The following WWOX variants were observed in gnomAD, a reference collection of about 807,000 sequenced individuals.
WWOX encodes the protein WW domain containing oxidoreductase.
In WWOX, 69 loss-of-function variants were observed where a neutral mutation model predicts 46.2. The ratio of observed to expected loss-of-function variants is 1.49; its 90% CI spans 1.23 to 1.82. The LOEUF is 1.82. Ranked by LOEUF, WWOX falls within the 40% of genes most tolerant of loss-of-function variation. The pLI, the probability that WWOX is intolerant of heterozygous loss-of-function variation, is 0.00. For missense variants in WWOX, 919 were observed against 542.6 expected (o/e 1.69, Z -6.89); for synonymous variants, 359 against 202.6 (o/e 1.77, Z -6.56).
At chr16:78,827,751 G>T (rs530303881) in intron 8 of WWOX, among the ~76,000 whole-genome samples, 9 of 152,180 alleles carry the variant, frequency 5.9e-5, no homozygotes, top group Non-Finnish European at 1.3e-4. Flanking sequence ...TAAGGCAGGA[G>T]AATCACTTGA....
chr16:78,852,952 C>G (rs1218444812), intron 8 of WWOX, among the ~76,000 whole-genome samples: 1 of 152,176 alleles, frequency 6.6e-6, no homozygotes, highest in Non-Finnish European at 1.5e-5. Flanking sequence ...TACTGGAGAT[C>G]AGTCAGATGA....
In WWOX at chr16:78,685,099, A is replaced by G. The variant is rs572009676; in HGVS notation, c.1056+252347A>G. Among the ~76,000 whole-genome samples, 206 of 152,202 alleles carry G rather than the reference A, an allele frequency of 1.4e-3. 1 individual carries two copies. The highest frequency in any genetic ancestry group is 4.7e-3 in the African/African-American group (194 of 41,518). ...CCTCTGAGATCTTGCTTTTCAGTCT[A>G]CTGGTATCTCCACTTCTCTCTGCAG... On this transcript the variant is annotated intron_variant, in intron 8 of 8. Coordinates refer to ENST00000566780, the MANE Select transcript of WWOX (RefSeq NM_016373.4).
intron 8 of WWOX, among the ~76,000 whole-genome samples, chr16:78,936,399 C>T (rs1030996851): frequency 6.6e-6 from 1 of 152,092 alleles, no homozygotes; most frequent in African/African-American, 2.4e-5. Flanking sequence ...TGCATGATCT[C>T]CCCAGGATGG....
At chr16:79,163,882 T>A (rs1430406042) in intron 8 of WWOX, among the ~76,000 whole-genome samples, 1 of 54,216 alleles carries the variant, frequency 1.8e-5, no homozygotes, top group Non-Finnish European at 3.2e-5. Flanking sequence ...GGAAGAGAAT[T>A]GGAAAAAAAA....
At chr16:79,007,772 C>G (rs2047219053) in intron 8 of WWOX, among the ~76,000 whole-genome samples, 1 of 152,152 alleles carries the variant, frequency 6.6e-6, no homozygotes, top group East Asian at 1.9e-4. Context: ...TTCTCGGATA[C>G]CAAAGCTATT....
At chr16:78,226,134 G>T (rs2037046672) in intron 5 of WWOX, among the ~76,000 whole-genome samples, 1 of 152,136 alleles carries the variant, frequency 6.6e-6, no homozygotes, top group South Asian at 2.1e-4. Flanking sequence ...AGAAATGAGT[G>T]GAATGAACCG....
At chr16:78,146,377 A>G (rs2034198325) in intron 4 of WWOX, among the ~76,000 whole-genome samples, 3 of 152,252 alleles carry the variant, frequency 2.0e-5, no homozygotes, top group Middle Eastern at 6.8e-3. Flanking sequence ...TGGGGATCCT[A>G]CCAAGACCCT....
intron 8 of WWOX, among the ~76,000 whole-genome samples, chr16:78,909,653 C>G (rs1597137535): frequency 6.6e-6 from 1 of 152,164 alleles, no homozygotes; most frequent in Non-Finnish European, 1.5e-5. Flanking sequence ...CTTTCATTCC[C>G]TGACCTCTGT....
At chr16:78,972,702 C>T (rs993982804) in intron 8 of WWOX, among the ~76,000 whole-genome samples, 4 of 152,212 alleles carry the variant, frequency 2.6e-5, no homozygotes, top group African/African-American at 9.6e-5. Flanking sequence ...CTGCCTTCTC[C>T]TCCCTGACCT....
chr16:78,976,278 C>T (rs929365351), intron 8 of WWOX, among the ~76,000 whole-genome samples: 4 of 152,214 alleles, frequency 2.6e-5, no homozygotes, highest in African/African-American at 9.6e-5. Context: ...TGAAACACTC[C>T]TACTTCTTTC....
chr16:78,394,676 C>G (rs1418466251), intron 6 of WWOX, among the ~76,000 whole-genome samples: 3 of 152,216 alleles, frequency 2.0e-5, no homozygotes, highest in South Asian at 2.1e-4. Flanking sequence ...ATTAAGATCT[C>G]TGTTGCAACT....
At chr16:78,724,111 C>T (rs1285715702) in intron 8 of WWOX, among the ~76,000 whole-genome samples, 2 of 152,114 alleles carry the variant, frequency 1.3e-5, no homozygotes, top group African/African-American at 2.4e-5. Flanking sequence ...ATGTGCAGGA[C>T]GAGGAGGAAA....
At chr16:78,890,405 C>G (rs1249734249) in intron 8 of WWOX, 1 of 152,184 alleles carries the variant, frequency 6.6e-6, no homozygotes, top group African/African-American at 2.4e-5. Flanking sequence ...TCCTCATGTT[C>G]TTAATGGACA....
intron 8 of WWOX, among the ~76,000 whole-genome samples, chr16:78,729,380 A>G (rs866227622): frequency 6.6e-6 from 1 of 151,892 alleles, no homozygotes; most frequent in South Asian, 2.1e-4. Context: ...ATAAATATAT[A>G]TATGCATGCA....
At chr16:78,983,325 G>T (rs781247925) in intron 8 of WWOX, among the ~76,000 whole-genome samples, 1 of 152,200 alleles carries the variant, frequency 6.6e-6, no homozygotes, top group Non-Finnish European at 1.5e-5. Context: ...GGGCCTCCTC[G>T]TATCTGGTCT....
At chr16:78,490,819 C>G (rs1023386662) in intron 8 of WWOX, among the ~76,000 whole-genome samples, 1 of 152,180 alleles carries the variant, frequency 6.6e-6, no homozygotes, top group Non-Finnish European at 1.5e-5. Context: ...CAGTCCGTTA[C>G]TTAGACTAGG....
chr16:79,183,240 C>T (rs1404672327), intron 8 of WWOX, among the ~76,000 whole-genome samples: 2 of 152,210 alleles, frequency 1.3e-5, no homozygotes, highest in African/African-American at 4.8e-5. Context: ...TTTTCCTTTT[C>T]TTGCAAACCT....
chr16:78,864,849 A>AG (rs1453440602), intron 8 of WWOX, among the ~76,000 whole-genome samples: 2 of 124,882 alleles, frequency 1.6e-5, no homozygotes, highest in African/African-American at 6.2e-5. Context: ...TGCAACATCC[A>AG]CCTCCCGGGT....
chr16:78,144,512 T>TACACACACACACAC (rs1567596542), intron 4 of WWOX, among the ~76,000 whole-genome samples: 4 of 40,698 alleles, frequency 9.8e-5, no homozygotes, highest in African/African-American at 3.4e-4. Flanking sequence ...TATATATATA[T>TACACACACACACAC]ATATATATAT....
Sources: gnomAD v4.1 joint callset for allele counts (sites outside exome capture counted in the v4.1 genomes callset) on GRCh38, gnomAD v4.1.1 for gene constraint, MANE v1.5 for transcripts, NCBI Gene and HGNC (gene_info 2026-07-23, HGNC 2026-07-21) for gene names.